The following PYHIN1 variants were observed in gnomAD, a reference collection of about 807,000 sequenced individuals.
PYHIN1 encodes the protein pyrin and HIN domain family member 1.
PYHIN1 carries 32 observed loss-of-function variants against 43.7 expected under a neutral mutation model. That is an observed-to-expected ratio of 0.73 (90% CI 0.55 to 0.98). PYHIN1 has a LOEUF of 0.98. PYHIN1 is among the 50% of genes least tolerant of loss of function. The pLI is 0.00. For missense variants in PYHIN1, 588 were observed against 589.5 expected (o/e 1.00, Z 0.03); for synonymous variants, 205 against 203.1 (o/e 1.01, Z -0.08).
chr1:158,953,865 A>G (rs1248681302), intron 7 of PYHIN1, among the ~76,000 whole-genome samples: 1 of 149,778 alleles, frequency 6.7e-6, no homozygotes, highest in African/African-American at 2.5e-5. Flanking sequence ...AAAAATTAGA[A>G]GAATGTATAA....
chr1:158,970,786 T>C (rs1650890723), intron 7 of PYHIN1, among the ~76,000 whole-genome samples: 1 of 152,022 alleles, frequency 6.6e-6, no homozygotes. Context: ...TTATTGAGCA[T>C]TTACTGGATT....
intron 1 of PYHIN1, among the ~76,000 whole-genome samples, chr1:158,934,265 A>G (rs1019316317): frequency 1.3e-5 from 2 of 152,210 alleles, no homozygotes; most frequent in Non-Finnish European, 1.5e-5. Context: ...AGTGGAATAA[A>G]TAAAAATCAT....
At chr1:158,978,672 G>A (rs190829737), downstream of PYHIN1, among the ~76,000 whole-genome samples, 1 of 152,078 alleles carries the variant, frequency 6.6e-6, no homozygotes, top group African/African-American at 2.4e-5. Context: ...TAGGTGCTTT[G>A]TCTAATGTGT....
rs147428568 is a variant in PYHIN1 at position 158,949,191 on chromosome 1, C to T, written c.1359+4149C>T. Among the ~76,000 whole-genome samples the T allele has an allele frequency of 2.4e-3, 362 of 152,116 alleles. 1 individual carries two copies. Among genetic ancestry groups the T allele is most frequent in the African/African-American group, 8.0e-3 (332 of 41,496 alleles). On this transcript the variant is annotated intron_variant, in intron 7 of 8. Coordinates refer to ENST00000368140, the MANE Select transcript of PYHIN1 (RefSeq NM_152501.5). ...CCCATCAGCCCAAATCACAGGGGAA[C>T]GTGATGAGGTTACAAAACTGTGATT...
At chr1:158,987,800 T>A in the PYHIN1 span, among the ~76,000 whole-genome samples, 19 of 152,214 alleles carry the variant, frequency 1.2e-4, no homozygotes, top group African/African-American at 3.9e-4. Context: ...ACTAGTCTTT[T>A]CTTTCTAGAG....
chr1:158,979,453 T>A (rs1651412580), downstream of PYHIN1, among the ~76,000 whole-genome samples: 1 of 149,890 alleles, frequency 6.7e-6, no homozygotes, highest in Non-Finnish European at 1.5e-5. Flanking sequence ...TCAAGTTTTA[T>A]TCATGCTGTA....
At chr1:158,990,215 G>A in the PYHIN1 span, among the ~76,000 whole-genome samples, 3 of 152,132 alleles carry the variant, frequency 2.0e-5, no homozygotes, top group African/African-American at 7.2e-5. Context: ...CTAGGCTGAA[G>A]AAACAAGGTG....
At chr1:158,946,551 A>T (rs960276900) in intron 7 of PYHIN1, among the ~76,000 whole-genome samples, 1 of 74,696 alleles carries the variant, frequency 1.3e-5, no homozygotes, top group African/African-American at 4.8e-5. Flanking sequence ...CAGTGATTAG[A>T]TAGATAGATA....
chr1:158,933,709 T>C lies in PYHIN1; in HGVS notation c.-21+1933T>C, dbSNP rs1231752962. Among the ~76,000 whole-genome samples the C allele has an allele frequency of 6.6e-6, 1 of 152,110 alleles. No homozygotes were observed. The highest frequency in any genetic ancestry group is 1.5e-5 in the Non-Finnish European group (1 of 67,972). ...CTCCTACTTGTCTGTTTTTAAAACT[T>C]ATATTTCCATCTCACCCTTTAAGAC... On this transcript the variant is annotated intron_variant, in intron 1 of 8. Transcript: ENST00000368140. The surrounding 1 kb of genome is among the most constrained non-coding windows in gnomAD (Gnocchi z 6.3).
rs1194212504 is a variant in PYHIN1, at chr1:158,933,475, G to A, written c.-21+1699G>A. On this transcript the variant is annotated intron_variant, in intron 1 of 8. Coordinates refer to ENST00000368140, the MANE Select transcript of PYHIN1 (RefSeq NM_152501.5). This position sits in a 1 kb window ranked among gnomAD's most constrained non-coding sequence, Gnocchi z 6.3. The stretch of plus-strand genomic sequence containing the variant: ...AAAATGATTCTAGCATAGATAAGCT[G>A]GCTTTCTTCTAGTTTCTCCTTGCAT... Among the ~76,000 whole-genome samples the A allele has an allele frequency of 1.3e-5, 2 of 151,616 alleles. No homozygotes were observed. The highest frequency in any genetic ancestry group is 2.9e-5 in the Non-Finnish European group (2 of 67,836).
chr1:158,955,212 G>A (rs1308509504), intron 7 of PYHIN1, among the ~76,000 whole-genome samples: 3 of 152,044 alleles, frequency 2.0e-5, no homozygotes, highest in Non-Finnish European at 4.4e-5. Context: ...AAGTCAACAA[G>A]GATACCCAGG....
chr1:158,938,972 T>C, intron 3 of PYHIN1, 108 bp from the exon 4 acceptor site: 1 of 865,124 alleles, frequency 1.2e-6, no homozygotes, highest in Non-Finnish European at 1.7e-6. Context: ...TACTTAAGTT[T>C]CCAAGAAAAA....
chr1:158,936,101 G>A (rs1648522676), intron 1 of PYHIN1, among the ~76,000 whole-genome samples: 1 of 151,506 alleles, frequency 6.6e-6, no homozygotes, highest in Non-Finnish European at 1.5e-5. Flanking sequence ...GGGTACATGT[G>A]CATAACGTGC....
At chr1:158,947,826 T>C (rs951932180) in intron 7 of PYHIN1, among the ~76,000 whole-genome samples, 5 of 152,242 alleles carry the variant, frequency 3.3e-5, no homozygotes, top group Non-Finnish European at 5.9e-5. Flanking sequence ...GCACCCACAG[T>C]TGATCAAAGG....
At chr1:158,966,226 A>C (rs1471290670) in intron 7 of PYHIN1, among the ~76,000 whole-genome samples, 1 of 152,142 alleles carries the variant, frequency 6.6e-6, no homozygotes, top group East Asian at 1.9e-4. Flanking sequence ...AAATTGAATC[A>C]GTAAGAAAAA....
At chr1:158,987,143 T>A in the PYHIN1 span, among the ~76,000 whole-genome samples, 1 of 152,190 alleles carries the variant, frequency 6.6e-6, no homozygotes, top group East Asian at 1.9e-4. Context: ...TGTCAGAAAG[T>A]CTTCCAAAGT....
In PYHIN1 at chr1:158,937,026, T is replaced by C. The variant is rs556695132; in HGVS notation, c.116T>C (p.Met39Thr). Reference sequence around the variant, plus strand: ...AACGATTTAAAACTTAATCCAAAAATGAAAGAAGAGTATGACAAAATTCAG... The same window carrying C: ...AACGATTTAAAACTTAATCCAAAAACGAAAGAAGAGTATGACAAAATTCAG... The part of the protein sequence containing the change: ...LSNDLKLNPK[M>T]KEEYDKIQIA... The change falls in exon 2 of 9, where the codon ATG becomes ACG. Residue 39 changes from methionine (M) to threonine (T), a missense_variant. Physicochemically the swap from Met to Thr is moderately conservative, Grantham distance 81. Transcript: ENST00000368140. 1.9e-6 allele frequency: 3 copies of C among 1,613,912 alleles called. No homozygotes were observed. The South Asian group carries it at 3.3e-5, about 18-fold the overall frequency.
At chr1:158,935,427 G>A (rs572076982) in intron 1 of PYHIN1, among the ~76,000 whole-genome samples, 4 of 152,234 alleles carry the variant, frequency 2.6e-5, no homozygotes, top group Non-Finnish European at 1.5e-5. Flanking sequence ...TTTATAGAGA[G>A]AAATGTGGAT....
chr1:158,936,381 C>T (rs1430049446), intron 1 of PYHIN1, among the ~76,000 whole-genome samples: 1 of 151,574 alleles, frequency 6.6e-6, no homozygotes, highest in African/African-American at 2.4e-5. Context: ...GATACCAAAG[C>T]TTGGCAGAGA....
Sources: gnomAD v4.1 joint callset for allele counts (sites outside exome capture counted in the v4.1 genomes callset) on GRCh38, gnomAD v4.1.1 for gene constraint, Gnocchi (gnomAD v3.1) non-coding constraint, MANE v1.5 for transcripts, NCBI Gene and HGNC (gene_info 2026-07-23, HGNC 2026-07-21) for gene names.